The following TRPC4 variants were observed in gnomAD, a reference collection of about 807,000 sequenced individuals.
The protein encoded by TRPC4 is short transient receptor potential channel 4.
Under a neutral mutation model 99.4 loss-of-function variants are expected in TRPC4, and 49 were observed. The ratio of observed to expected loss-of-function variants is 0.49; its 90% CI spans 0.39 to 0.63. The LOEUF is 0.63. Ranked by LOEUF, TRPC4 falls within the 20% of genes least tolerant of loss-of-function variation. The pLI is 0.00. For missense variants in TRPC4, 898 were observed against 1,152.9 expected (o/e 0.78, Z 3.20); for synonymous variants, 454 against 425.9 (o/e 1.07, Z -0.81).
At chr13:37,712,727 A>T (rs2138992707) in intron 3 of TRPC4, among the ~76,000 whole-genome samples, 1 of 152,268 alleles carries the variant, frequency 6.6e-6, no homozygotes, top group South Asian at 2.1e-4. Flanking sequence ...TGTAAAACTT[A>T]ATGACCTGGA....
At chr13:37,855,773 C>T (rs144080699) in intron 1 of TRPC4, among the ~76,000 whole-genome samples, 69 of 151,928 alleles carry the variant, frequency 4.5e-4, no homozygotes, top group Non-Finnish European at 6.9e-4. Flanking sequence ...TAATATGCTC[C>T]TCAATGACCA....
At chr13:37,658,365 T>C (rs1384068014) in intron 6 of TRPC4, among the ~76,000 whole-genome samples, 1 of 152,210 alleles carries the variant, frequency 6.6e-6, no homozygotes, top group Non-Finnish European at 1.5e-5. Context: ...ATATGCTTTA[T>C]ACAATTAGCT....
At chr13:37,732,967 A>T (rs551641313) in intron 3 of TRPC4, among the ~76,000 whole-genome samples, 3 of 152,288 alleles carry the variant, frequency 2.0e-5, no homozygotes, top group South Asian at 2.1e-4. Flanking sequence ...TAGGAAATGA[A>T]AAACAAAACA....
intron 1 of TRPC4, among the ~76,000 whole-genome samples, chr13:37,850,041 C>A (rs747027521): frequency 6.6e-6 from 1 of 152,176 alleles, no homozygotes; most frequent in Non-Finnish European, 1.5e-5. Flanking sequence ...ATCTTAAAAT[C>A]ATGTGATCTG....
chr13:37,759,829 C>T (rs1405673745), intron 2 of TRPC4, among the ~76,000 whole-genome samples: 1 of 151,780 alleles, frequency 6.6e-6, no homozygotes, highest in Non-Finnish European at 1.5e-5. Context: ...TCAGGAAATG[C>T]TTCCTACAGA....
Position 37,636,304 on chromosome 13 carries a change from C to G in TRPC4, c.*599G>C, listed in dbSNP as rs757190351. ...TACTTACTGAAAGGAAACCCTGGAACAACCTAAAACACTACAAAGTTTTTC... is the reference window on the plus strand; with the variant it reads ...TACTTACTGAAAGGAAACCCTGGAAGAACCTAAAACACTACAAAGTTTTTC... On this transcript the variant is annotated 3_prime_UTR_variant, in exon 11 of 11. Coordinates refer to ENST00000379705, the MANE Select transcript of TRPC4 (RefSeq NM_016179.4). Among the ~76,000 whole-genome samples, 13 of 152,022 alleles carry G rather than the reference C, an allele frequency of 8.6e-5. No homozygotes were observed. Among genetic ancestry groups the G allele is most frequent in the Non-Finnish European group, 1.9e-4 (13 of 67,984 alleles).
chr13:37,790,737 C>T (rs540477502), intron 1 of TRPC4, among the ~76,000 whole-genome samples: 1 of 152,214 alleles, frequency 6.6e-6, no homozygotes, highest in South Asian at 2.1e-4. Context: ...CCAGAAAACT[C>T]GGTATATTAT....
rs138550522 is a variant in TRPC4 at position 37,768,186 on chromosome 13, C to A, written c.378+14770G>T. Among the ~76,000 whole-genome samples, 681 of 151,484 alleles carry A rather than the reference C, an allele frequency of 4.5e-3. 6 individuals carry two copies. Among genetic ancestry groups the A allele is most frequent in the African/African-American group, 0.016 (653 of 41,440 alleles). On this transcript the variant is annotated intron_variant, in intron 2 of 10. Transcript: ENST00000379705. The stretch of plus-strand genomic sequence containing the variant: ...GGTAAGCATCTCAGGGAAGGTGCAG[C>A]CACAAAAACTTAGTCTTCAGGTTTA...
At chr13:37,725,119 C>T (rs1228246493) in intron 3 of TRPC4, among the ~76,000 whole-genome samples, 1 of 151,702 alleles carries the variant, frequency 6.6e-6, no homozygotes, top group African/African-American at 2.4e-5. Flanking sequence ...ACAGTCGATT[C>T]GAAAGCAGAT....
chr13:37,695,485 C>T (rs180828727), intron 3 of TRPC4, among the ~76,000 whole-genome samples: 14 of 152,278 alleles, frequency 9.2e-5, no homozygotes, highest in Non-Finnish European at 1.5e-4. Flanking sequence ...TACCATCTTC[C>T]GCACCATTCC....
chr13:37,639,085 A>T lies in TRPC4; in HGVS notation c.2166T>A (p.Ile722=). Residue 722 remains isoleucine, a synonymous_variant, in exon 10 of 11, where the codon ATT becomes ATA. Coordinates refer to ENST00000379705, the MANE Select transcript of TRPC4 (RefSeq NM_016179.4). ...NLVKRYVAAM[I]RDAKTEEGLT... is the part of the protein sequence containing the mutation. ...GGCCTTCTTCAGTTTTAGCATCTCT[A>T]ATCATTGCAGCAACGTATCGCTTCA... The T allele has an allele frequency of 6.2e-7, 1 of 1,613,670 alleles. No individual in the cohort carries two copies. The highest frequency in any genetic ancestry group is 1.1e-5 in the South Asian group (1 of 91,076).
intron 2 of TRPC4, among the ~76,000 whole-genome samples, chr13:37,777,888 G>A (rs1956750561): frequency 6.6e-6 from 1 of 151,926 alleles, no homozygotes; most frequent in African/African-American, 2.4e-5. Context: ...GTGGTGAACT[G>A]GACTGGAAGC....
At chr13:37,701,096 T>C (rs755863805) in intron 3 of TRPC4, among the ~76,000 whole-genome samples, 1 of 152,040 alleles carries the variant, frequency 6.6e-6, no homozygotes, top group African/African-American at 2.4e-5. Context: ...CCAACTTGTA[T>C]GGCAACAGAG....
At chr13:37,789,290 G>C (rs1957050925) in intron 1 of TRPC4, among the ~76,000 whole-genome samples, 1 of 152,096 alleles carries the variant, frequency 6.6e-6, no homozygotes, top group African/African-American at 2.4e-5. Flanking sequence ...TTTACAGTCT[G>C]AGTGCTTTTC....
intron 3 of TRPC4, among the ~76,000 whole-genome samples, chr13:37,728,772 T>C (rs1955147439): frequency 6.6e-6 from 1 of 152,134 alleles, no homozygotes; most frequent in Non-Finnish European, 1.5e-5. Context: ...ACTTCCTGAT[T>C]TCAAAACTTA....
intron 4 of TRPC4, among the ~76,000 whole-genome samples, chr13:37,686,671 T>C (rs556771695): frequency 8.5e-5 from 13 of 152,306 alleles, no homozygotes; most frequent in Non-Finnish European, 1.5e-4. Context: ...AAATAAAGTG[T>C]TATAGGCAAG....
At chr13:37,766,387 C>T (rs988975627) in intron 2 of TRPC4, among the ~76,000 whole-genome samples, 1 of 149,798 alleles carries the variant, frequency 6.7e-6, no homozygotes, top group Non-Finnish European at 1.5e-5. Flanking sequence ...ACGAAATTAA[C>T]GCAAACTTTT....
chr13:37,749,351 C>T (rs1955870488), intron 2 of TRPC4, among the ~76,000 whole-genome samples: 1 of 152,064 alleles, frequency 6.6e-6, no homozygotes, highest in African/African-American at 2.4e-5. Context: ...TTAGAGCTTA[C>T]TCTTACTCTA....
At chr13:37,676,013 GC>G (rs1953031916) in intron 4 of TRPC4, among the ~76,000 whole-genome samples, 1 of 152,092 alleles carries the variant, frequency 6.6e-6, no homozygotes, top group Admixed American at 6.5e-5. Context: ...ACTGACGGTG[GC>G]AACAACAAAA....
Sources: gnomAD v4.1 joint callset for allele counts (sites outside exome capture counted in the v4.1 genomes callset) on GRCh38, gnomAD v4.1.1 for gene constraint, MANE v1.5 for transcripts, NCBI Gene and HGNC (gene_info 2026-07-23, HGNC 2026-07-21) for gene names.